Variants in SPMAP2L observed in about 807,000 individuals in gnomAD.
The protein encoded by SPMAP2L is sperm microtubule associated protein 2-like.
the SPMAP2L span, among the ~76,000 whole-genome samples, chr4:56,605,098 A>G: frequency 2.6e-5 from 4 of 152,222 alleles, 1 homozygote; most frequent in African/African-American, 7.2e-5. Context: ...AGAAATCACC[A>G]CTAAATAACT....
the SPMAP2L span, among the ~76,000 whole-genome samples, chr4:56,566,199 T>C: frequency 1.3e-5 from 2 of 152,138 alleles, no homozygotes; most frequent in Non-Finnish European, 2.9e-5. Context: ...TTTATTTATT[T>C]ACTTATTTAT....
the SPMAP2L span, among the ~76,000 whole-genome samples, chr4:56,605,629 G>A: frequency 1.3e-5 from 2 of 152,068 alleles, no homozygotes; most frequent in South Asian, 2.1e-4. Flanking sequence ...TCTCTAGCTA[G>A]GAAAGCTGGG....
chr4:56,546,503 T>C, the SPMAP2L span, among the ~76,000 whole-genome samples: 3 of 152,226 alleles, frequency 2.0e-5, no homozygotes, highest in Non-Finnish European at 4.4e-5. Flanking sequence ...CTCCAGGTGA[T>C]TCTAATCTGT....
At chr4:56,578,983 C>A in the SPMAP2L span, among the ~76,000 whole-genome samples, 1 of 151,664 alleles carries the variant, frequency 6.6e-6, no homozygotes, top group Non-Finnish European at 1.5e-5. Context: ...AACAGCAGAG[C>A]AAAAACCTGA....
At chr4:56,594,868 C>T in the SPMAP2L span, 1 of 1,609,538 alleles carries the variant, frequency 6.2e-7, no homozygotes, top group African/African-American at 1.3e-5. Flanking sequence ...AGGTGGGAAT[C>T]TGTCGCCCTG....
chr4:56,531,702 T>C, the SPMAP2L span, among the ~76,000 whole-genome samples: 1 of 152,314 alleles, frequency 6.6e-6, no homozygotes, highest in South Asian at 2.1e-4. Flanking sequence ...ATATGCTCAG[T>C]CCTCACCACC....
the SPMAP2L span, among the ~76,000 whole-genome samples, chr4:56,577,699 A>G: frequency 1.3e-5 from 2 of 152,258 alleles, no homozygotes; most frequent in African/African-American, 4.8e-5. Flanking sequence ...ATATTCCTAG[A>G]TAAGCAAAAA....
chr4:56,547,242 C>CTT, the SPMAP2L span, among the ~76,000 whole-genome samples: 1 of 125,960 alleles, frequency 7.9e-6, no homozygotes, highest in African/African-American at 3.0e-5. Context: ...TACTAATTCT[C>CTT]TTTTTTTTTT....
chr4:56,613,559 A>C, the SPMAP2L span, among the ~76,000 whole-genome samples: 1 of 152,078 alleles, frequency 6.6e-6, no homozygotes, highest in Admixed American at 6.6e-5. Flanking sequence ...GCAATAACAG[A>C]CCTCAACTAG....
chr4:56,581,893 G>A, the SPMAP2L span, among the ~76,000 whole-genome samples: 15 of 152,160 alleles, frequency 9.9e-5, no homozygotes, highest in East Asian at 2.7e-3. Context: ...TTGATTTTTG[G>A]CAAGAGTGTC....
chr4:56,589,277 C>T, the SPMAP2L span, among the ~76,000 whole-genome samples: 1 of 152,324 alleles, frequency 6.6e-6, no homozygotes, highest in Non-Finnish European at 1.5e-5. Context: ...GTGTGAGCCA[C>T]TGCACCCAGC....
At chr4:56,577,121 T>C in the SPMAP2L span, among the ~76,000 whole-genome samples, 2 of 152,130 alleles carry the variant, frequency 1.3e-5, no homozygotes, top group South Asian at 2.1e-4. Flanking sequence ...CACTGAAGGA[T>C]TGGCGAGGTG....
chr4:56,601,228 C>A, the SPMAP2L span: 1 of 1,004,378 alleles, frequency 1.0e-6, no homozygotes, highest in Non-Finnish European at 1.4e-6. Flanking sequence ...ACTTCCAAAA[C>A]ATCTTACTTA....
the SPMAP2L span, among the ~76,000 whole-genome samples, chr4:56,589,659 A>C: frequency 6.7e-6 from 1 of 148,392 alleles, no homozygotes; most frequent in Non-Finnish European, 1.5e-5. Flanking sequence ...CTCCTTGGTT[A>C]GGTATATTCC....
the SPMAP2L span, among the ~76,000 whole-genome samples, chr4:56,591,742 A>G: frequency 5.3e-5 from 8 of 152,212 alleles, no homozygotes; most frequent in Non-Finnish European, 1.2e-4. Context: ...ATAGAAGACC[A>G]TGTAATTTGA....
At chr4:56,617,262 G>A in the SPMAP2L span, among the ~76,000 whole-genome samples, 3 of 152,148 alleles carry the variant, frequency 2.0e-5, no homozygotes, top group African/African-American at 7.2e-5. Flanking sequence ...GTAAGTATTT[G>A]TGTAGCTAAA....
the SPMAP2L span, among the ~76,000 whole-genome samples, chr4:56,612,818 C>T: frequency 3.3e-5 from 5 of 151,854 alleles, no homozygotes; most frequent in South Asian, 2.1e-4. Flanking sequence ...CTGCCCACCT[C>T]GGCCTCCCAA....
the SPMAP2L span, among the ~76,000 whole-genome samples, chr4:56,582,590 T>C: frequency 6.6e-6 from 1 of 152,136 alleles, no homozygotes; most frequent in Admixed American, 6.5e-5. Context: ...TGTGGAAACA[T>C]TAAAACCCTT....
At chr4:56,559,567 T>A in the SPMAP2L span, 2 of 1,429,176 alleles carry the variant, frequency 1.4e-6, no homozygotes, top group Middle Eastern at 1.8e-4. Context: ...AGGTTTTTTG[T>A]TGTTGTTTTT....
Sources: gnomAD v4.1 joint callset for allele counts (sites outside exome capture counted in the v4.1 genomes callset) on GRCh38, gnomAD v4.1.1 for gene constraint, MANE v1.5 for transcripts, NCBI Gene and HGNC (gene_info 2026-07-23, HGNC 2026-07-21) for gene names.